Variants in CRX observed in about 807,000 individuals in gnomAD.
CRX encodes cone-rod homeobox protein.
CRX carries 5 observed loss-of-function variants against 13.1 expected under a neutral mutation model. That is an observed-to-expected ratio of 0.38 (90% confidence interval 0.20 to 0.80). The LOEUF (loss-of-function observed/expected upper bound fraction) is 0.80, where lower values mean the gene tolerates loss of function less well. CRX is among the 30% of genes least tolerant of loss of function. The pLI is 0.43. For synonymous variants in CRX, 179 were observed against 171.1 expected (o/e 1.05, Z -0.36); for missense variants, 351 against 391.8 (o/e 0.90, Z 0.88).
At chr19:47,831,381 G>A (rs920347099) in intron 1 of CRX, among the ~76,000 whole-genome samples, 9 of 151,058 alleles carry the variant, frequency 6.0e-5, no homozygotes, top group Admixed American at 5.3e-4. Context: ...CCCAACCCCC[G>A]GTTTGTAGTC....
At chr19:47,836,213 C>T (rs368390441) in intron 2 of CRX, 30 bp from the exon 3 acceptor site, 1 of 1,613,932 alleles carries the variant, frequency 6.2e-7, no homozygotes. Context: ...TGTGGATGAC[C>T]TGAGGGTCCT....
rs2123738269 is a variant in CRX, at chr19:47,834,468, C to T, written c.25C>T (p.Pro9Ser). Residue 9 changes from proline to serine, a missense_variant, in exon 2 of 4, where the codon CCC (proline) becomes TCC (serine). By Grantham distance (74) the Pro-to-Ser change is moderately conservative. Coordinates refer to ENST00000221996, the MANE Select transcript of CRX (RefSeq NM_000554.6). ...CATGATGGCGTATATGAACCCGGGG[C>T]CCCACTATTCTGTCAACGCCTTGGC... Reference protein sequence around the residue: MMAYMNPGPHYSVNALALS... With the variant: MMAYMNPGSHYSVNALALS... 1 of 1,614,130 alleles carries T rather than the reference C, an allele frequency of 6.2e-7. No homozygotes were observed. Among genetic ancestry groups the T allele is most frequent in the Non-Finnish European group, 8.5e-7 (1 of 1,180,016 alleles).
chr19:47,824,412 A>T (rs1967950260), intron 1 of CRX, among the ~76,000 whole-genome samples: 1 of 152,178 alleles, frequency 6.6e-6, no homozygotes, highest in African/African-American at 2.4e-5. Flanking sequence ...CTGACGTGCG[A>T]GACAGAACTG....
intron 1 of CRX, among the ~76,000 whole-genome samples, chr19:47,827,681 G>A (rs67012510): frequency 0.21 from 31,324 of 147,050 alleles, 3,497 homozygotes; most frequent in African/African-American, 0.24. Flanking sequence ...CCATCATCAT[G>A]TCTGGCTAAT....
At position 47,834,547 on chromosome 19, in the gene CRX, A is replaced by T. The variant is rs1568624182; in HGVS notation, c.100+4A>T. The T allele has an allele frequency of 4.3e-6, 7 of 1,612,616 alleles. No homozygotes were observed. The highest frequency in any genetic ancestry group is 1.3e-5 in the African/African-American group (1 of 74,862). On this transcript the variant is annotated splice_donor_region_variant and intron_variant, in intron 2 of 3. Coordinates refer to ENST00000221996, the MANE Select transcript of CRX (RefSeq NM_000554.6). ...CACCAGGCTGTGCCCTACCCAAGTG[A>T]GTACAGTCGTTTCTCTTGGCACCCC...
chr19:47,831,957 T>A lies in CRX; in HGVS notation c.-35-2452T>A, dbSNP rs1049617579. Among the ~76,000 whole-genome samples, 3 of 151,174 alleles carry A rather than the reference T, an allele frequency of 2.0e-5. No individual in the cohort carries two copies. In the East Asian group the frequency reaches 5.8e-4, roughly 29 times the overall value. ...TTTCACCATGTTGGCCAGGCTGGTC[T>A]CGAACTCCCGACCTCAGGTGATCCG... On this transcript the variant is annotated intron_variant, in intron 1 of 3. Transcript: ENST00000221996.
At chr19:47,828,764 T>A (rs1435125154) in intron 1 of CRX, among the ~76,000 whole-genome samples, 1 of 151,938 alleles carries the variant, frequency 6.6e-6, no homozygotes, top group Non-Finnish European at 1.5e-5. Flanking sequence ...AAACGGCTTA[T>A]GCAAATAGCT....
At chr19:47,833,063 T>TCACG in intron 1 of CRX, among the ~76,000 whole-genome samples, 1 of 116,282 alleles carries the variant, frequency 8.6e-6, no homozygotes, top group Non-Finnish European at 1.8e-5. Flanking sequence ...GATAGGGGTC[T>TCACG]ATTTCTTTTT....
At chr19:47,838,992 T>C (rs1968155385) in intron 3 of CRX, among the ~76,000 whole-genome samples, 1 of 152,084 alleles carries the variant, frequency 6.6e-6, no homozygotes, top group African/African-American at 2.4e-5. Context: ...GTGTATGATG[T>C]ATGTATGATC....
intron 1 of CRX, among the ~76,000 whole-genome samples, chr19:47,832,551 T>C (rs1770121615): frequency 6.6e-6 from 1 of 151,820 alleles, no homozygotes; most frequent in African/African-American, 2.4e-5. Flanking sequence ...GGTGGCACCA[T>C]TTTGGCTCAC....
chr19:47,834,664 C>A, intron 2 of CRX, 121 bp downstream of exon 2: 2 of 725,446 alleles, frequency 2.8e-6, no homozygotes, highest in South Asian at 3.1e-5. Flanking sequence ...ATACACCAGC[C>A]CTCTGGGTTC....
Position 47,841,564 on chromosome 19 carries a change from T to G in CRX, c.*1597T>G, listed in dbSNP as rs1054702193. ...CCTACATTTCAAACATACATTCCCT[T>G]TTTTAGATTTTTTTTTTTTTTTTTT... On this transcript the variant is annotated 3_prime_UTR_variant, in exon 4 of 4. Coordinates refer to ENST00000221996, the MANE Select transcript of CRX (RefSeq NM_000554.6). The G allele has an allele frequency of 2.0e-5, 3 of 151,102 alleles. No homozygotes were observed. Among genetic ancestry groups the G allele is most frequent in the African/African-American group, 7.4e-5 (3 of 40,716 alleles). The allele number at this position is 151,102 out of a possible 1,614,324, so 9.4% of individuals were successfully genotyped here. A position where few individuals can be genotyped will look rare whatever the true frequency, so the allele number is the denominator to read the frequency against.
intron 1 of CRX, among the ~76,000 whole-genome samples, chr19:47,834,028 G>A (rs2123737927): frequency 6.7e-6 from 1 of 148,538 alleles, no homozygotes; most frequent in South Asian, 2.1e-4. Context: ...ACAGGGTCTT[G>A]CTATGTTGCT....
In CRX at chr19:47,839,886, G is replaced by C. The variant is rs756636410; in HGVS notation, c.819G>C (p.Thr273=). The C allele has an allele frequency of 1.2e-6, 2 of 1,614,056 alleles. No homozygotes were observed. The highest frequency in any genetic ancestry group is 1.7e-6 in the Non-Finnish European group (2 of 1,180,020). Residue 273 remains threonine (T), a synonymous_variant, in exon 4 of 4, where the codon ACG becomes ACC. Coordinates refer to ENST00000221996, the MANE Select transcript of CRX (RefSeq NM_000554.6). The surrounding 1 kb of genome is among the most constrained non-coding windows in gnomAD (Gnocchi z 4.6). ...PVDSLEFKDP[T]GTWKFTYNPM... ...ATAGCTTGGAATTCAAGGACCCCAC[G>C]GGCACCTGGAAATTCACCTACAATC...
intron 2 of CRX, 74 bp downstream of exon 2, chr19:47,834,617 C>A: frequency 7.8e-7 from 1 of 1,285,348 alleles, no homozygotes. Context: ...CCCTTTGCCC[C>A]CAGGAAGAAG....
chr19:47,841,242 ACTTTTT>A lies in CRX; in HGVS notation c.*1279_*1284del, dbSNP rs1256411739. On this transcript the variant is annotated 3_prime_UTR_variant, in exon 4 of 4. Transcript: ENST00000221996. ...CATATATGTAGCTATACATATATGT[ACTTTTT>A]CTTCTTAGTTTCTTTTTAAAGACAT... 5.3e-5 allele frequency: 8 copies of A among 152,186 alleles called. No individual in the cohort carries two copies. The highest frequency in any genetic ancestry group is 1.0e-4 in the Non-Finnish European group (7 of 68,036). The allele number at this position is 152,186 out of a possible 1,614,324, so 9.4% of individuals were successfully genotyped here. A position where few individuals can be genotyped will look rare whatever the true frequency, so the allele number is the denominator to read the frequency against.
At chr19:47,836,193 C>A in intron 2 of CRX, 50 bp from the exon 3 acceptor site, 1 of 1,612,174 alleles carries the variant, frequency 6.2e-7, no homozygotes, top group Non-Finnish European at 8.5e-7. Flanking sequence ...CAGGGCCTCA[C>A]ACCAGCCCAT....
At chr19:47,823,666 T>C (rs1967939467) in intron 1 of CRX, among the ~76,000 whole-genome samples, 1 of 150,970 alleles carries the variant, frequency 6.6e-6, no homozygotes, top group South Asian at 2.1e-4. Context: ...TTTTTTTTTT[T>C]TGAGACGGAG....
At chr19:47,832,004 G>T (rs1244298427) in intron 1 of CRX, among the ~76,000 whole-genome samples, 1 of 150,218 alleles carries the variant, frequency 6.7e-6, no homozygotes, top group East Asian at 1.9e-4. Context: ...CTCCCAAAGT[G>T]CTGGGATTGC....
Sources: allele counts gnomAD v4.1 joint callset (sites outside exome capture counted in the v4.1 genomes callset), GRCh38; gene constraint gnomAD v4.1.1; non-coding constraint Gnocchi (gnomAD v3.1); transcripts MANE v1.5; gene names NCBI Gene and HGNC (gene_info 2026-07-23, HGNC 2026-07-21).